Variants in ERG observed in about 807,000 individuals in gnomAD.
ERG encodes transcriptional regulator ERG.
In ERG, 9 loss-of-function variants were observed where a neutral mutation model predicts 55.3. The observed-to-expected ratio is 0.16, with a 90% confidence interval of 0.10 to 0.28. The LOEUF is 0.28. Among genes scored for constraint, ERG ranks in the 10% least tolerant of loss-of-function variants. The pLI, the probability that ERG is intolerant of heterozygous loss-of-function variation, is 1.00. For synonymous variants in ERG, 223 were observed against 237.3 expected, an observed-to-expected ratio of 0.94 and a Z score of 0.55; for missense variants, 434 against 631.6, an observed-to-expected ratio of 0.69 and a Z score of 3.35.
intron 2 of ERG, among the ~76,000 whole-genome samples, chr21:38,571,116 T>A (rs2059954836): frequency 6.6e-6 from 1 of 152,256 alleles, no homozygotes; most frequent in African/African-American, 2.4e-5. Context: ...GATAATCATC[T>A]GGGTGCATCT....
intron 1 of ERG, among the ~76,000 whole-genome samples, chr21:38,479,591 C>T (rs898723849): frequency 5.3e-5 from 8 of 152,240 alleles, no homozygotes; most frequent in South Asian, 2.1e-4. Flanking sequence ...AAAGCAGAGA[C>T]GGAAGGGATG....
intron 1 of ERG, among the ~76,000 whole-genome samples, chr21:38,454,017 C>CA (rs1262772891): frequency 1.3e-5 from 2 of 151,856 alleles, no homozygotes; most frequent in African/African-American, 2.4e-5. Context: ...GGAATGGGTG[C>CA]AAAAAATACA....
chr21:38,651,518 T>A (rs1223247630), intron 1 of ERG, among the ~76,000 whole-genome samples: 1 of 152,168 alleles, frequency 6.6e-6, no homozygotes, highest in East Asian at 1.9e-4. Context: ...AAAAATAAAG[T>A]CAAATATCTC....
intron 2 of ERG, among the ~76,000 whole-genome samples, chr21:38,506,947 G>A (rs923185282): frequency 6.6e-6 from 1 of 152,122 alleles, no homozygotes; most frequent in African/African-American, 2.4e-5. Context: ...CTGCTCGTCT[G>A]CTATTTTTAA....
upstream of ERG, among the ~76,000 whole-genome samples, chr21:38,586,754 T>C (rs2060067999): frequency 6.6e-6 from 1 of 152,216 alleles, no homozygotes; most frequent in Non-Finnish European, 1.5e-5. Context: ...ATCAAAATAC[T>C]ACATGATTGC....
At chr21:38,589,722 T>A (rs909027486), upstream of ERG, among the ~76,000 whole-genome samples, 1 of 152,174 alleles carries the variant, frequency 6.6e-6, no homozygotes, top group African/African-American at 2.4e-5. Flanking sequence ...AAAACCAATG[T>A]GCTGTGGATA....
At chr21:38,467,450 A>G (rs1044010206) in intron 1 of ERG, among the ~76,000 whole-genome samples, 1 of 152,190 alleles carries the variant, frequency 6.6e-6, no homozygotes, top group African/African-American at 2.4e-5. Context: ...GCATTATACT[A>G]GCAAGTTATG....
intron 2 of ERG, among the ~76,000 whole-genome samples, chr21:38,428,688 T>C (rs1337453332): frequency 1.3e-5 from 2 of 152,178 alleles, no homozygotes; most frequent in African/African-American, 4.8e-5. Flanking sequence ...AACATACACA[T>C]ACTTGCATAT....
intron 1 of ERG, among the ~76,000 whole-genome samples, chr21:38,645,444 C>G (rs1396076893): frequency 1.3e-5 from 2 of 152,154 alleles, no homozygotes; most frequent in East Asian, 1.9e-4. Context: ...ACTGTGGAAT[C>G]CACTGTGAAA....
At chr21:38,649,056 A>G (rs1392752905) in intron 1 of ERG, among the ~76,000 whole-genome samples, 1 of 152,224 alleles carries the variant, frequency 6.6e-6, no homozygotes, top group Non-Finnish European at 1.5e-5. Flanking sequence ...ACACATCTCT[A>G]TAACATATGA....
At chr21:38,456,750 A>G (rs2058993548) in intron 1 of ERG, among the ~76,000 whole-genome samples, 1 of 152,158 alleles carries the variant, frequency 6.6e-6, no homozygotes, top group South Asian at 2.1e-4. Context: ...TTGGTAAGTG[A>G]TGATGTCTGA....
chr21:38,622,027 C>A (rs899286496), intron 1 of ERG, among the ~76,000 whole-genome samples: 1 of 152,242 alleles, frequency 6.6e-6, no homozygotes, highest in Non-Finnish European at 1.5e-5. Flanking sequence ...CCTGCAGGAG[C>A]CTGAGTCCTA....
intron 2 of ERG, among the ~76,000 whole-genome samples, chr21:38,549,316 A>G (rs1007000190): frequency 6.6e-6 from 1 of 152,128 alleles, no homozygotes; most frequent in Non-Finnish European, 1.5e-5. Context: ...AGTTCAGAAT[A>G]AGGACCCCAA....
At chr21:38,596,776 AC>A (rs2060133867) in intron 1 of ERG, among the ~76,000 whole-genome samples, 2 of 152,218 alleles carry the variant, frequency 1.3e-5, no homozygotes, top group African/African-American at 4.8e-5. Context: ...TCTTGAGAAG[AC>A]TGAAGAACAT....
chr21:38,400,204 A>G, intron 6 of ERG: 1 of 434,132 alleles, frequency 2.3e-6, no homozygotes, highest in African/African-American at 2.0e-5. Flanking sequence ...CATACTGATA[A>G]TCGGTCACTG....
intron 2 of ERG, among the ~76,000 whole-genome samples, chr21:38,551,182 C>T (rs2059821993): frequency 1.3e-5 from 2 of 149,998 alleles, no homozygotes; most frequent in Non-Finnish European, 3.0e-5. Context: ...TCTGTGGGTT[C>T]AGTGGTAATG....
At chr21:38,540,701 C>T (rs939588989) in intron 2 of ERG, among the ~76,000 whole-genome samples, 3 of 152,180 alleles carry the variant, frequency 2.0e-5, no homozygotes, top group African/African-American at 7.2e-5. Flanking sequence ...CTTTCTAATG[C>T]TCCTTGTTTC....
intron 2 of ERG, 68 bp downstream of exon 2, chr21:38,445,336 C>A (rs1430356982): frequency 1.6e-6 from 2 of 1,247,762 alleles, no homozygotes; most frequent in Non-Finnish European, 2.3e-6. Context: ...TGACTGACTT[C>A]CACTTTGCCT....
At chr21:38,473,180 G>T (rs191436007) in intron 1 of ERG, among the ~76,000 whole-genome samples, 1 of 136,240 alleles carries the variant, frequency 7.3e-6, no homozygotes, top group Non-Finnish European at 1.6e-5. Context: ...AAAAAAAAAA[G>T]GCTTAGAGAC....
Sources: gnomAD v4.1 joint callset for allele counts (sites outside exome capture counted in the v4.1 genomes callset) on GRCh38, gnomAD v4.1.1 for gene constraint, MANE v1.5 for transcripts, NCBI Gene and HGNC (gene_info 2026-07-23, HGNC 2026-07-21) for gene names.